VWF: variants seen among roughly 807,000 people sequenced by gnomAD.
VWF encodes the protein Factor VIII related antigen.
In VWF, 176 loss-of-function variants were observed where a neutral mutation model predicts 308.6. That is an observed-to-expected ratio of 0.57 (90% confidence interval 0.50 to 0.65). The LOEUF (loss-of-function observed/expected upper bound fraction) is 0.65. VWF is among the 30% of genes least tolerant of loss of function. The pLI is 0.00. For synonymous variants in VWF, 1,385 were observed against 1,443.4 expected (o/e 0.96, Z 0.92); for missense variants, 3,146 against 3,648.2 (o/e 0.86, Z 3.55).
chr12:6,029,234 C>T, intron 22 of VWF, 108 bp downstream of exon 22: 1 of 1,455,142 alleles, frequency 6.9e-7, no homozygotes, highest in Middle Eastern at 1.7e-4. Context: ...GCACCCAACA[C>T]AGGAGCACCT....
At chr12:6,108,334 T>TATATACACACACACACAC (rs374693235) in intron 5 of VWF, among the ~76,000 whole-genome samples, 9 of 124,156 alleles carry the variant, frequency 7.2e-5, no homozygotes, top group Admixed American at 4.3e-4. Flanking sequence ...AAGAAATATA[T>TATATACACACACACACAC]ACACACACAC....
chr12:6,056,578 C>T (rs1035462955), intron 15 of VWF, among the ~76,000 whole-genome samples: 1 of 152,134 alleles, frequency 6.6e-6, no homozygotes, highest in Non-Finnish European at 1.5e-5. Context: ...ACGGGAAACC[C>T]AAGCTTTGCA....
At position 6,058,128 on chromosome 12, in the gene VWF, A is replaced by T. The variant is rs1591890956; in HGVS notation, c.1534-84T>A. ...TTAGCTAATGAGATGGTTTTAATAAAAAAAAAAAAGTTCCCCGGGTGAAAC... is the reference window on the plus strand; with the variant it reads ...TTAGCTAATGAGATGGTTTTAATAATAAAAAAAAAGTTCCCCGGGTGAAAC... On this transcript the variant is annotated intron_variant, in intron 13 of 51. Coordinates refer to ENST00000261405, the MANE Select transcript of VWF (RefSeq NM_000552.5). The surrounding 1 kb of genome is among the most constrained non-coding windows in gnomAD (Gnocchi z 4.9). 3 of 1,495,184 alleles carry T rather than the reference A, an allele frequency of 2.0e-6. No homozygotes were observed. Among genetic ancestry groups the T allele is most frequent in the East Asian group, 2.3e-5 (1 of 42,950 alleles). 92.6% of individuals were successfully genotyped at this position (1,495,184 alleles called of 1,614,324 possible).
At chr12:6,074,501 A>C (rs1368852548) in intron 7 of VWF, among the ~76,000 whole-genome samples, 1 of 151,620 alleles carries the variant, frequency 6.6e-6, no homozygotes, top group East Asian at 1.9e-4. Context: ...AAAAAAAAAA[A>C]AAAAAAAAAC....
In VWF at chr12:6,016,753, C is replaced by T. The variant is rs764543553; in HGVS notation, c.5170+1G>A. ...CTGCTTCAGGTGCCTCGCTCACCCA[C>T]CTATATTGGCTTTTGAAATGAAAGC... On this transcript the variant is annotated splice_donor_variant, in intron 29 of 51. Coordinates refer to ENST00000261405, the MANE Select transcript of VWF (RefSeq NM_000552.5). LOFTEE classifies it high-confidence loss of function. 2 of 1,614,250 alleles carry T rather than the reference C, an allele frequency of 1.2e-6. No homozygotes were observed. Among genetic ancestry groups the T allele is most frequent in the East Asian group, 2.2e-5 (1 of 44,884 alleles).
intron 6 of VWF, among the ~76,000 whole-genome samples, chr12:6,079,653 T>C (rs1185657402): frequency 2.0e-5 from 3 of 151,612 alleles, no homozygotes; most frequent in Non-Finnish European, 4.4e-5. Flanking sequence ...TGGCGTCTTG[T>C]ACTCTCAGGC....
intron 16 of VWF, among the ~76,000 whole-genome samples, chr12:6,050,040 C>G (rs779639594): frequency 2.6e-5 from 4 of 152,222 alleles, no homozygotes; most frequent in Non-Finnish European, 5.9e-5. Context: ...GTCTTTCTCT[C>G]CACCCCAACC....
At chr12:5,964,014 T>C (rs1399725816) in intron 47 of VWF, among the ~76,000 whole-genome samples, 4 of 146,314 alleles carry the variant, frequency 2.7e-5, no homozygotes, top group Non-Finnish European at 4.4e-5. Flanking sequence ...GAGACCATTC[T>C]GGTTAACACG....
chr12:6,068,295 C>T (rs922670199), intron 10 of VWF, among the ~76,000 whole-genome samples: 8 of 152,078 alleles, frequency 5.3e-5, no homozygotes, highest in African/African-American at 1.4e-4. Context: ...GAGCCCTGGA[C>T]GCGGCTGCCC....
intron 31 of VWF, among the ~76,000 whole-genome samples, chr12:6,015,370 A>C (rs1217691535): frequency 6.6e-6 from 1 of 152,134 alleles, no homozygotes; most frequent in Admixed American, 6.5e-5. Flanking sequence ...TAACTTCCTC[A>C]GGAAGAACAT....
At position 6,018,568 on chromosome 12, in the gene VWF, T is replaced by C. The variant is rs559911446; in HGVS notation, c.4850A>G (p.Lys1617Arg). ...VTGNPASDEIKRLPGDIQVVP... is the reference protein window; with the variant it reads ...VTGNPASDEIRRLPGDIQVVP... ...CACCTGGATGTCTCCAGGCAGCCTC[T>C]TGATCTCATCAGAGGCAGGATTTCC... Residue 1617 changes from lysine (K) to arginine (R), a missense_variant, in exon 28 of 52, where the codon AAG (lysine) becomes AGG (arginine). Coordinates refer to ENST00000261405, the MANE Select transcript of VWF (RefSeq NM_000552.5). The C allele has an allele frequency of 1.1e-5, 18 of 1,614,118 alleles. No homozygotes were observed. In the East Asian group the frequency reaches 3.8e-4, roughly 34 times the overall value.
rs1272034955 is a variant in VWF, at chr12:5,991,885, C to T, written c.6732G>A (p.Leu2244=). Residue 2244 remains leucine, a synonymous_variant, in exon 38 of 52, where the codon TTG becomes TTA. Transcript: ENST00000261405. The part of the protein sequence containing the change: ...GCFCPPDKVM[L]EGSCVPEEAC... Reference sequence around the variant, plus strand: ...CCTCTTCAGGGACACAGCTGCCTTCCAACATGACTTTATCTGGAGGGCAGA... The same window carrying T: ...CCTCTTCAGGGACACAGCTGCCTTCTAACATGACTTTATCTGGAGGGCAGA... 3 of 1,614,228 alleles carry T rather than the reference C, an allele frequency of 1.9e-6. No individual in the cohort carries two copies. Among genetic ancestry groups the T allele is most frequent in the Non-Finnish European group, 2.5e-6 (3 of 1,180,038 alleles).
intron 15 of VWF, among the ~76,000 whole-genome samples, chr12:6,054,383 T>C (rs1944553724): frequency 6.6e-6 from 1 of 152,216 alleles, no homozygotes; most frequent in Admixed American, 6.5e-5. Flanking sequence ...GAGATGTCTT[T>C]CAACCACCTG....
chr12:5,965,678 C>T (rs1445795836), intron 47 of VWF, among the ~76,000 whole-genome samples: 1 of 152,200 alleles, frequency 6.6e-6, no homozygotes, highest in Non-Finnish European at 1.5e-5. Flanking sequence ...TTCAGCCCAA[C>T]GTGGGCAGTT....
chr12:6,005,703 G>A (rs1943917686), intron 34 of VWF, among the ~76,000 whole-genome samples: 1 of 152,206 alleles, frequency 6.6e-6, no homozygotes, highest in South Asian at 2.1e-4. Context: ...CAGGCCAGAA[G>A]GGAGATGGAT....
chr12:5,989,965 A>G (rs1184435861), intron 38 of VWF, among the ~76,000 whole-genome samples: 4 of 152,214 alleles, frequency 2.6e-5, no homozygotes, highest in Admixed American at 2.6e-4. Flanking sequence ...GGAGCTCAGG[A>G]GCTATACAAA....
chr12:5,978,309 C>G (rs1943554326), intron 42 of VWF, among the ~76,000 whole-genome samples: 2 of 152,144 alleles, frequency 1.3e-5, no homozygotes, highest in Non-Finnish European at 2.9e-5. Context: ...GTAGCCCAGG[C>G]CAGAGTGCAA....
chr12:6,008,501 AAGAAT>A (rs1277181081), intron 34 of VWF, among the ~76,000 whole-genome samples: 1 of 152,190 alleles, frequency 6.6e-6, no homozygotes, highest in East Asian at 1.9e-4. Context: ...TCAACAAACT[AAGAAT>A]AGAAGAAAAT....
chr12:6,079,402 C>T (rs564357646), intron 6 of VWF, among the ~76,000 whole-genome samples: 2 of 152,006 alleles, frequency 1.3e-5, no homozygotes, highest in Non-Finnish European at 2.9e-5. Context: ...GTCAGGAGAT[C>T]AAGACCATCC....
Sources: allele counts gnomAD v4.1 joint callset (sites outside exome capture counted in the v4.1 genomes callset), GRCh38; gene constraint gnomAD v4.1.1; non-coding constraint Gnocchi (gnomAD v3.1); transcripts MANE v1.5; gene names NCBI Gene and HGNC (gene_info 2026-07-23, HGNC 2026-07-21).